MTMR3: variants seen among roughly 807,000 people sequenced by gnomAD.
MTMR3 encodes phosphatidylinositol-3,5-bisphosphate 3-phosphatase MTMR3.
In MTMR3, 32 loss-of-function variants were observed where a neutral mutation model predicts 132.4. That is an observed-to-expected ratio of 0.24 (90% CI 0.18 to 0.32). The LOEUF (loss-of-function observed/expected upper bound fraction) is 0.32. Ranked by LOEUF, MTMR3 falls within the 10% of genes least tolerant of loss-of-function variation. MTMR3 has a pLI of 1.00. For missense variants in MTMR3, 1,216 were observed against 1,489.6 expected, an observed-to-expected ratio of 0.82 and a Z score of 3.02; for synonymous variants, 556 against 550.3, an observed-to-expected ratio of 1.01 and a Z score of -0.14.
intron 1 of MTMR3, among the ~76,000 whole-genome samples, chr22:29,906,252 C>T (rs1008990564): frequency 2.7e-5 from 3 of 112,874 alleles, no homozygotes; most frequent in Non-Finnish European, 5.0e-5. Context: ...ATCCGTCTGT[C>T]TGTCTGTCTG....
chr22:29,994,027 A>G (rs1440133035), intron 7 of MTMR3: 1 of 690,392 alleles, frequency 1.4e-6, no homozygotes, highest in Non-Finnish European at 1.8e-6. Flanking sequence ...TTAAAGTGGG[A>G]CATTCATGCT....
intron 1 of MTMR3, among the ~76,000 whole-genome samples, chr22:29,937,671 A>T (rs531236834): frequency 6.6e-6 from 1 of 152,328 alleles, no homozygotes; most frequent in Non-Finnish European, 1.5e-5. Context: ...CTCAAGTGTA[A>T]ACACATCAAA....
chr22:29,954,754 T>C (rs1055949268), intron 1 of MTMR3, among the ~76,000 whole-genome samples: 2 of 152,240 alleles, frequency 1.3e-5, no homozygotes, highest in Non-Finnish European at 2.9e-5. Flanking sequence ...CAATTCATTC[T>C]TGCCCTTCGA....
Position 30,009,123 on chromosome 22 carries a change from C to G in MTMR3, c.1115C>G (p.Pro372Arg), listed in dbSNP as rs144254961. The G allele has an allele frequency of 1.2e-6, 2 of 1,601,740 alleles. No homozygotes were observed. The highest frequency in any genetic ancestry group is 1.1e-5 in the South Asian group (1 of 90,788). The change falls in exon 12 of 20, where the codon CCG (proline) becomes CGG (arginine). Residue 372 changes from proline (P) to arginine (R), a missense_variant. This residue lies in a region of MTMR3 where 106 missense variants were observed against 209.5 expected (regional missense o/e 0.51). Transcript: ENST00000401950. ...LRLLCTQMPD[P>R]GNWLSALEST... Reference sequence around the variant, plus strand: ...TTGCTGTGCACTCAGATGCCAGATCCGGGAAAGTAAGTCCTTGGCCTTGGC... The same window carrying G: ...TTGCTGTGCACTCAGATGCCAGATCGGGGAAAGTAAGTCCTTGGCCTTGGC...
Position 30,013,372 on chromosome 22 carries a change from T to C in MTMR3, c.1334T>C (p.Val445Ala), listed in dbSNP as rs2067485918. Residue 445 changes from valine to alanine, a missense_variant, in exon 14 of 20, where the codon GTG (valine) becomes GCG (alanine). Transcript: ENST00000401950. ...TCCCTGCAGGGTTTCCAGGTCCTCG[T>C]GGAAATGGAGTGGCTGGATTTTGGC... The part of the protein sequence containing the change: ...YRTIEGFQVL[V>A]EMEWLDFGHK... 2 of 1,613,724 alleles carry C rather than the reference T, an allele frequency of 1.2e-6. No homozygotes were observed. The highest frequency in any genetic ancestry group is 2.7e-5 in the African/African-American group (2 of 74,878).
intron 1 of MTMR3, among the ~76,000 whole-genome samples, chr22:29,914,921 G>A (rs945797818): frequency 5.3e-5 from 8 of 152,034 alleles, no homozygotes; most frequent in African/African-American, 1.9e-4. Context: ...TTTGGCCTAT[G>A]AATTATAAAA....
Position 30,009,028 on chromosome 22 carries a change from A to G in MTMR3, c.1020A>G (p.Pro340=). 6.2e-7 allele frequency: 1 copy of G among 1,608,372 alleles called. No homozygotes were observed. The highest frequency in any genetic ancestry group is 8.5e-7 in the Non-Finnish European group (1 of 1,174,780). Reference sequence around the variant, plus strand: ...TGTTACTCTCTCCAGAGTATTACCCAAACTGTGAAGTTGTGTTTATGGGGA... The same window carrying G: ...TGTTACTCTCTCCAGAGTATTACCCGAACTGTGAAGTTGTGTTTATGGGGA... ...GGGCECPEYY[P]NCEVVFMGMA... The change falls in exon 12 of 20, where the codon CCA becomes CCG. Residue 340 remains proline, a synonymous_variant. Coordinates refer to ENST00000401950, the MANE Select transcript of MTMR3 (RefSeq NM_021090.4).
rs113798804 is a variant in MTMR3, at chr22:29,962,271, A to G, written c.-85+5183A>G. On this transcript the variant is annotated intron_variant, in intron 2 of 19. Coordinates refer to ENST00000401950, the MANE Select transcript of MTMR3 (RefSeq NM_021090.4). ...TATATTAATAACATAAAATTCACATACTATACAATTCACCCATTTAAAGTG... is the reference window on the plus strand; with the variant it reads ...TATATTAATAACATAAAATTCACATGCTATACAATTCACCCATTTAAAGTG... Among the ~76,000 whole-genome samples the G allele has an allele frequency of 5.4e-3, 821 of 152,330 alleles. 3 individuals carry two copies. The highest frequency in any genetic ancestry group is 0.017 in the African/African-American group (692 of 41,572).
At chr22:29,907,324 C>A (rs1410909455) in intron 1 of MTMR3, among the ~76,000 whole-genome samples, 1 of 151,600 alleles carries the variant, frequency 6.6e-6, no homozygotes, top group Non-Finnish European at 1.5e-5. Flanking sequence ...ATGGTGTGAA[C>A]CCGGGAGGCA....
At chr22:29,891,118 A>T (rs1209336739) in intron 1 of MTMR3, among the ~76,000 whole-genome samples, 1 of 94,132 alleles carries the variant, frequency 1.1e-5, no homozygotes, top group South Asian at 3.4e-4. Context: ...AGAGAAAAAG[A>T]AAAAAATTGA....
chr22:29,932,287 C>T (rs933101643), intron 1 of MTMR3, among the ~76,000 whole-genome samples: 2 of 152,194 alleles, frequency 1.3e-5, no homozygotes, highest in Admixed American at 6.5e-5. Context: ...ATAGCTCTCT[C>T]CCTACTAAGG....
At chr22:30,023,050 A>T in intron 19 of MTMR3, 1 of 396,150 alleles carries the variant, frequency 2.5e-6, no homozygotes, top group Non-Finnish European at 4.6e-6. Flanking sequence ...TGCGATGGGG[A>T]GGGAACTATT....
In MTMR3 at chr22:30,020,222, A is replaced by G. The variant is rs563094723; in HGVS notation, c.2563A>G (p.Lys855Glu). ...AGACATGTTAGTGGAAGATAAGGTG[A>G]AGTCAGTAAGTGGGCCCCAAGGTCA... is the stretch of plus-strand genomic sequence containing the variant. Reference protein sequence around the residue: ...STDMLVEDKVKSVSGPQGHHR... With the variant: ...STDMLVEDKVESVSGPQGHHR... Residue 855 changes from lysine to glutamate, a missense_variant, in exon 17 of 20, where the codon AAG (lysine) becomes GAG (glutamate). By Grantham distance (56) the Lys-to-Glu change is moderately conservative (BLOSUM62 1). Around this residue, in one of 7 missense-constraint regions of MTMR3, gnomAD observed 852 missense variants for 852.0 expected, o/e 1.00. Transcript: ENST00000401950. The G allele has an allele frequency of 1.2e-6, 2 of 1,614,194 alleles. No individual in the cohort carries two copies. The highest frequency in any genetic ancestry group is 1.1e-5 in the South Asian group (1 of 91,084).
At chr22:30,022,751 C>A in intron 19 of MTMR3, 54 bp downstream of exon 19, 1 of 1,463,450 alleles carries the variant, frequency 6.8e-7, no homozygotes, top group Non-Finnish European at 9.4e-7. Context: ...TGAGGGTCGG[C>A]CCACAGAGCC....
intron 1 of MTMR3, among the ~76,000 whole-genome samples, chr22:29,906,644 T>G (rs905000379): frequency 2.6e-5 from 4 of 152,118 alleles, no homozygotes; most frequent in Non-Finnish European, 5.9e-5. Flanking sequence ...CCTGTCTCAC[T>G]TTTTATACCC....
chr22:29,947,430 G>A (rs1032691556), intron 1 of MTMR3, among the ~76,000 whole-genome samples: 1 of 150,864 alleles, frequency 6.6e-6, no homozygotes, highest in African/African-American at 2.4e-5. Context: ...ATGAGGATAG[G>A]TTTCTATTAG....
chr22:29,899,917 T>G (rs2064972237), intron 1 of MTMR3, among the ~76,000 whole-genome samples: 1 of 152,190 alleles, frequency 6.6e-6, no homozygotes, highest in Admixed American at 6.5e-5. Context: ...TATACCTCAG[T>G]TAAAAACTTT....
intron 16 of MTMR3, 49 bp from the exon 17 acceptor site, chr22:30,019,431 T>G (rs2067690987): frequency 6.5e-7 from 1 of 1,533,260 alleles, no homozygotes. Flanking sequence ...TCCTACTTCC[T>G]CCAAACAGTT....
Position 30,020,478 on chromosome 22 carries a change from A to T in MTMR3, c.2819A>T (p.Glu940Val). Residue 940 changes from glutamate to valine, a missense_variant, in exon 17 of 20, where the codon GAG (glutamate) becomes GTG (valine). Coordinates refer to ENST00000401950, the MANE Select transcript of MTMR3 (RefSeq NM_021090.4). ...GAPETENRAS[E>V]QPPGLSTLQM... ...CCAGAGACTGAAAACAGGGCCTCAG[A>T]GCAGCCCCCAGGTCTTAGCACCCTC... 6.2e-7 allele frequency: 1 copy of T among 1,614,186 alleles called. No individual in the cohort carries two copies. The highest frequency in any genetic ancestry group is 1.1e-5 in the South Asian group (1 of 91,084).
Sources: gnomAD v4.1 joint callset for allele counts (sites outside exome capture counted in the v4.1 genomes callset) on GRCh38, gnomAD v4.1.1 for gene constraint, gnomAD v4.1.1 regional missense constraint, MANE v1.5 for transcripts, NCBI Gene and HGNC (gene_info 2026-07-23, HGNC 2026-07-21) for gene names.